The following ERC2 variants were observed in gnomAD, a reference collection of about 807,000 sequenced individuals.
ERC2 encodes the protein ERC protein 2.
ERC2 carries 42 observed loss-of-function variants against 114.8 expected under a neutral mutation model. That is an observed-to-expected ratio of 0.37 (90% CI 0.29 to 0.47). ERC2 has a LOEUF of 0.47. ERC2 is among the 20% of genes least tolerant of loss of function. The probability of loss-of-function intolerance (pLI) is 0.99; values close to 1 mark genes in which losing one functional copy is unlikely to be tolerated. For synonymous variants in ERC2, 454 were observed against 425.5 expected, an observed-to-expected ratio of 1.07 and a Z score of -0.82; for missense variants, 939 against 1,150.7, an observed-to-expected ratio of 0.82 and a Z score of 2.66.
chr3:56,265,826 C>T (rs917067618), intron 3 of ERC2, among the ~76,000 whole-genome samples: 4 of 151,704 alleles, frequency 2.6e-5, no homozygotes, highest in South Asian at 2.1e-4. Flanking sequence ...ATCAGGAGTT[C>T]GAGACCAGCC....
intron 2 of ERC2, among the ~76,000 whole-genome samples, chr3:56,386,639 C>T (rs1013739909): frequency 5.3e-5 from 8 of 152,060 alleles, no homozygotes; most frequent in African/African-American, 1.7e-4. Flanking sequence ...GGGCTTGGGA[C>T]CTGCTGGTCC....
chr3:55,603,548 C>T (rs563724867), intron 17 of ERC2, among the ~76,000 whole-genome samples: 147 of 150,698 alleles, frequency 9.8e-4, no homozygotes, highest in African/African-American at 3.3e-3. Context: ...AGGAGAACTG[C>T]GTGAACCCCA....
chr3:56,409,205 C>T (rs2060844757), intron 2 of ERC2, among the ~76,000 whole-genome samples: 1 of 152,208 alleles, frequency 6.6e-6, no homozygotes, highest in South Asian at 2.1e-4. Context: ...AGAGTGTATG[C>T]GTGTATGCAT....
intron 17 of ERC2, among the ~76,000 whole-genome samples, chr3:55,555,238 G>A (rs1034484374): frequency 7.9e-5 from 12 of 152,160 alleles, no homozygotes; most frequent in African/African-American, 2.2e-4. Context: ...TATGAAAAAC[G>A]GGAAATTCTC....
intron 17 of ERC2, among the ~76,000 whole-genome samples, chr3:55,519,140 G>A (rs2052731599): frequency 6.6e-6 from 1 of 152,164 alleles, no homozygotes; most frequent in South Asian, 2.1e-4. Context: ...AGGTTATTAG[G>A]TTACCTGCAG....
intron 2 of ERC2, among the ~76,000 whole-genome samples, chr3:56,387,334 A>T (rs2059968975): frequency 6.6e-6 from 1 of 152,184 alleles, no homozygotes; most frequent in Non-Finnish European, 1.5e-5. Flanking sequence ...CTAATTCTGC[A>T]TAATCCTCAA....
At chr3:56,405,600 CATAGATAG>C (rs2060685131) in intron 2 of ERC2, among the ~76,000 whole-genome samples, 2 of 151,404 alleles carry the variant, frequency 1.3e-5, no homozygotes, top group South Asian at 4.2e-4. Context: ...AGATACATAG[CATAGATAG>C]ATGGATAGAT....
intron 14 of ERC2, among the ~76,000 whole-genome samples, chr3:55,848,706 C>G (rs1348004856): frequency 6.6e-6 from 1 of 152,208 alleles, no homozygotes; most frequent in Non-Finnish European, 1.5e-5. Context: ...CCTGATTTCC[C>G]TGATTATGGA....
intron 14 of ERC2, among the ~76,000 whole-genome samples, chr3:55,801,544 C>A (rs957459512): frequency 1.3e-5 from 2 of 149,382 alleles, no homozygotes; most frequent in Non-Finnish European, 2.9e-5. Flanking sequence ...TACCTTCTTG[C>A]AGGACCAATT....
intron 13 of ERC2, among the ~76,000 whole-genome samples, chr3:55,929,574 T>C (rs1370786623): frequency 6.6e-6 from 1 of 152,160 alleles, no homozygotes; most frequent in Non-Finnish European, 1.5e-5. Flanking sequence ...TTATAATATA[T>C]AGGGATAGGC....
intron 14 of ERC2, among the ~76,000 whole-genome samples, chr3:55,743,593 C>CAA (rs367859231): frequency 0.2 from 19,684 of 96,676 alleles, 2,475 homozygotes; most frequent in Non-Finnish European, 0.27. Flanking sequence ...CCTGATCCAC[C>CAA]AAAAAAAAAA....
rs113684620 is a variant in ERC2, at chr3:55,737,492, C to T, written c.2565-2574G>A. Reference sequence around the variant, plus strand: ...AGAGCCTATTTGCTATCTGCTATTCCAAACTTTAGCTACAACACACAAGGT... The same window carrying T: ...AGAGCCTATTTGCTATCTGCTATTCTAAACTTTAGCTACAACACACAAGGT... On this transcript the variant is annotated intron_variant, in intron 14 of 17. Transcript: ENST00000288221. Among the ~76,000 whole-genome samples the T allele has an allele frequency of 9.8e-5, 15 of 152,304 alleles. 1 individual carries two copies. The highest frequency in any genetic ancestry group is 3.4e-4 in the African/African-American group (14 of 41,566).
At chr3:56,063,717 A>C (rs989950340) in intron 7 of ERC2, among the ~76,000 whole-genome samples, 6 of 152,200 alleles carry the variant, frequency 3.9e-5, no homozygotes, top group Admixed American at 6.5e-5. Flanking sequence ...AACTAATTAT[A>C]CTGAAGCATG....
intron 14 of ERC2, among the ~76,000 whole-genome samples, chr3:55,756,012 CAG>C (rs1284220506): frequency 6.6e-6 from 1 of 152,058 alleles, no homozygotes; most frequent in East Asian, 1.9e-4. Context: ...GGGCCAGACA[CAG>C]AACAGGTAAT....
At chr3:56,320,561 T>C (rs1297010473) in intron 2 of ERC2, among the ~76,000 whole-genome samples, 1 of 152,162 alleles carries the variant, frequency 6.6e-6, no homozygotes, top group African/African-American at 2.4e-5. Context: ...ACCATGGGAA[T>C]TGGCAAACAC....
At chr3:56,106,490 C>A (rs577628445) in intron 6 of ERC2, among the ~76,000 whole-genome samples, 2 of 152,216 alleles carry the variant, frequency 1.3e-5, no homozygotes, top group East Asian at 3.9e-4. Flanking sequence ...GGGGAGGGGC[C>A]TTTAACTTGG....
In ERC2 at chr3:55,870,872, G is replaced by A. The variant is rs563842768; in HGVS notation, c.2564+17517C>T. On this transcript the variant is annotated intron_variant, in intron 14 of 17. Transcript: ENST00000288221. Reference sequence around the variant, plus strand: ...AAGTCTGTTTTGGTGTGGGACTGTGGCCTTCACATTTCTCACCCCATTTCA... The same window carrying A: ...AAGTCTGTTTTGGTGTGGGACTGTGACCTTCACATTTCTCACCCCATTTCA... 6.6e-5 allele frequency among the ~76,000 whole-genome samples: 10 copies of A among 152,298 alleles called. No homozygotes were observed. In the South Asian group the frequency reaches 1.7e-3, roughly 25 times the overall value.
chr3:56,118,636 C>CTTTTT (rs66888697), intron 6 of ERC2, among the ~76,000 whole-genome samples: 3 of 127,882 alleles, frequency 2.3e-5, no homozygotes, highest in Admixed American at 8.2e-5. Flanking sequence ...TATTCCTTTT[C>CTTTTT]TTTTTTTTTT....
At chr3:55,534,225 C>A (rs1393335503) in intron 17 of ERC2, among the ~76,000 whole-genome samples, 2 of 152,094 alleles carry the variant, frequency 1.3e-5, no homozygotes, top group Admixed American at 6.5e-5. Context: ...TCAAGACCAG[C>A]CTGAGCAACA....
Sources: gnomAD v4.1 joint callset for allele counts (sites outside exome capture counted in the v4.1 genomes callset) on GRCh38, gnomAD v4.1.1 for gene constraint, MANE v1.5 for transcripts, NCBI Gene and HGNC (gene_info 2026-07-23, HGNC 2026-07-21) for gene names.